The following AMPH variants were observed in gnomAD, a reference collection of about 807,000 sequenced individuals.
The protein encoded by AMPH is amphiphysin (Stiff-Mann syndrome with breast cancer 128kD autoantigen).
In AMPH, 49 loss-of-function variants were observed where a neutral mutation model predicts 99.1. That is an observed-to-expected ratio of 0.49 (90% CI 0.39 to 0.63). The LOEUF is 0.63. Ranked by LOEUF, AMPH falls within the 20% of genes least tolerant of loss-of-function variation. AMPH has a pLI of 0.00. For synonymous variants in AMPH, 314 were observed against 317.3 expected, an observed-to-expected ratio of 0.99 and a Z score of 0.11; for missense variants, 759 against 863.4, an observed-to-expected ratio of 0.88 and a Z score of 1.52.
chr7:38,611,615 G>A (rs1188356408), intron 1 of AMPH, among the ~76,000 whole-genome samples: 1 of 152,194 alleles, frequency 6.6e-6, no homozygotes, highest in Admixed American at 6.5e-5. Flanking sequence ...GGAAGGCAGA[G>A]CCACAGTAGG....
chr7:38,560,277 A>G (rs1791509124), intron 1 of AMPH, among the ~76,000 whole-genome samples: 1 of 152,166 alleles, frequency 6.6e-6, no homozygotes, highest in South Asian at 2.1e-4. Context: ...AACCCAGGCT[A>G]GTTTGTTAGA....
intron 16 of AMPH, among the ~76,000 whole-genome samples, chr7:38,421,279 C>G (rs1785572494): frequency 6.6e-6 from 1 of 152,296 alleles, no homozygotes; most frequent in East Asian, 1.9e-4. Context: ...ATTGCCTTTC[C>G]TTTTATACTG....
chr7:38,490,807 A>C (rs1208974264), intron 5 of AMPH, among the ~76,000 whole-genome samples: 1 of 152,202 alleles, frequency 6.6e-6, no homozygotes, highest in Non-Finnish European at 1.5e-5. Context: ...TATAGGTTTA[A>C]AAAGACTTCT....
At chr7:38,591,891 G>T (rs1792870581) in intron 1 of AMPH, among the ~76,000 whole-genome samples, 1 of 152,142 alleles carries the variant, frequency 6.6e-6, no homozygotes, top group Non-Finnish European at 1.5e-5. Flanking sequence ...TGGTCGTGGA[G>T]ACCCTAACCC....
chr7:38,401,648 G>A (rs984956881), intron 17 of AMPH, among the ~76,000 whole-genome samples: 3 of 152,128 alleles, frequency 2.0e-5, no homozygotes, highest in Non-Finnish European at 4.4e-5. Flanking sequence ...TACTGATATG[G>A]ATAAGTCAGA....
chr7:38,426,000 A>C (rs1337904248), intron 15 of AMPH, among the ~76,000 whole-genome samples: 1 of 152,220 alleles, frequency 6.6e-6, no homozygotes, highest in Non-Finnish European at 1.5e-5. Flanking sequence ...GAAGAGATGC[A>C]TTAACGTCTC....
intron 11 of AMPH, among the ~76,000 whole-genome samples, chr7:38,457,078 A>C (rs973076216): frequency 7.2e-5 from 11 of 152,226 alleles, no homozygotes; most frequent in African/African-American, 2.7e-4. Context: ...CCAACAACAT[A>C]TATACATCTT....
intron 9 of AMPH, among the ~76,000 whole-genome samples, chr7:38,464,555 T>A (rs1302724571): frequency 6.6e-6 from 1 of 152,222 alleles, no homozygotes; most frequent in East Asian, 1.9e-4. Flanking sequence ...TATGACTATG[T>A]GTGTTTTCAT....
Position 38,461,319 on chromosome 7 carries a change from G to A in AMPH, c.981C>T (p.Asn327=), listed in dbSNP as rs550814285. The A allele has an allele frequency of 6.2e-7, 1 of 1,614,102 alleles. No individual in the cohort carries two copies. The highest frequency in any genetic ancestry group is 1.3e-5 in the African/African-American group (1 of 75,056). ...TTGTCACACTGATTTCTGGAACAAA[G>A]TTGTCCTCAAAGAAACTGATGATGT... The part of the protein sequence containing the change: ...QENIISFFED[N]FVPEISVTTP... The change falls in exon 11 of 21, where the codon AAC becomes AAT. Residue 327 remains asparagine, a synonymous_variant. Coordinates refer to ENST00000356264, the MANE Select transcript of AMPH (RefSeq NM_001635.4).
chr7:38,540,166 A>G (rs1490791356), intron 1 of AMPH, among the ~76,000 whole-genome samples: 1 of 152,222 alleles, frequency 6.6e-6, no homozygotes, highest in African/African-American at 2.4e-5. Context: ...AAGAAAGTTC[A>G]GTGCCTCGTG....
At chr7:38,569,891 C>T (rs1430624698) in intron 1 of AMPH, among the ~76,000 whole-genome samples, 8 of 152,050 alleles carry the variant, frequency 5.3e-5, no homozygotes, top group Non-Finnish European at 1.0e-4. Context: ...AACAGAAAAC[C>T]AAAATATCAT....
intron 1 of AMPH, among the ~76,000 whole-genome samples, chr7:38,535,876 G>A (rs1036875042): frequency 6.6e-6 from 1 of 152,108 alleles, no homozygotes; most frequent in Non-Finnish European, 1.5e-5. Context: ...GAGTGGCTGG[G>A]TTCCTCACCG....
At chr7:38,410,823 A>G (rs1450406338) in intron 17 of AMPH, among the ~76,000 whole-genome samples, 1 of 152,194 alleles carries the variant, frequency 6.6e-6, no homozygotes, top group Non-Finnish European at 1.5e-5. Context: ...ATTAGGACAC[A>G]CATTATCTCT....
intron 1 of AMPH, among the ~76,000 whole-genome samples, chr7:38,558,632 C>T (rs1284846112): frequency 6.6e-6 from 1 of 152,176 alleles, no homozygotes; most frequent in African/African-American, 2.4e-5. Flanking sequence ...AGACATAAAG[C>T]ATTTCCTTTT....
At chr7:38,424,815 A>G (rs1785724716) in intron 15 of AMPH, among the ~76,000 whole-genome samples, 2 of 152,188 alleles carry the variant, frequency 1.3e-5, no homozygotes, top group African/African-American at 4.8e-5. Context: ...ACAAAGTTCC[A>G]GAGAGAAAGA....
At chr7:38,467,369 T>C (rs1031921369) in intron 7 of AMPH, among the ~76,000 whole-genome samples, 6 of 152,154 alleles carry the variant, frequency 3.9e-5, no homozygotes, top group Admixed American at 2.6e-4. Flanking sequence ...ACCTATACAT[T>C]ATGCAGAGGG....
intron 1 of AMPH, among the ~76,000 whole-genome samples, chr7:38,619,532 AAC>A (rs751097994): frequency 1.2e-4 from 19 of 152,212 alleles, no homozygotes; most frequent in Non-Finnish European, 2.1e-4. Flanking sequence ...AACTCATCCT[AAC>A]ACACATCTAT....
chr7:38,466,643 C>T (rs766337857), intron 7 of AMPH, among the ~76,000 whole-genome samples: 4 of 151,860 alleles, frequency 2.6e-5, no homozygotes, highest in Admixed American at 6.6e-5. Flanking sequence ...ATGGAACCCC[C>T]GCCCTGAGAA....
intron 2 of AMPH, among the ~76,000 whole-genome samples, chr7:38,534,720 A>G (rs1041278173): frequency 2.6e-5 from 4 of 152,176 alleles, no homozygotes; most frequent in African/African-American, 7.2e-5. Flanking sequence ...CCAGGACAGC[A>G]GAGTCTTTAT....
Sources: allele counts gnomAD v4.1 joint callset (sites outside exome capture counted in the v4.1 genomes callset), GRCh38; gene constraint gnomAD v4.1.1; transcripts MANE v1.5; gene names NCBI Gene and HGNC (gene_info 2026-07-23, HGNC 2026-07-21).